Variants in SDF4 observed in about 807,000 individuals in gnomAD.
The protein encoded by SDF4 is stromal cell derived factor 4, also known as 45 kDa calcium-binding protein.
Under a neutral mutation model 34.2 loss-of-function variants are expected in SDF4, and 22 were observed. The ratio of observed to expected loss-of-function variants is 0.64; its 90% CI spans 0.46 to 0.92. SDF4 has a LOEUF of 0.92. Ranked by LOEUF, SDF4 falls within the 40% of genes least tolerant of loss-of-function variation. SDF4 has a pLI of 0.00. For synonymous variants in SDF4, 236 were observed against 203.1 expected (o/e 1.16, Z -1.38); for missense variants, 447 against 499.9 (o/e 0.89, Z 1.01).
chr1:1,230,099 G>A (rs1313360272), intron 1 of SDF4, among the ~76,000 whole-genome samples: 5 of 152,284 alleles, frequency 3.3e-5, no homozygotes, highest in African/African-American at 1.2e-4. Context: ...TCTCACCCAC[G>A]AGCCTACTCC....
intron 2 of SDF4, chr1:1,227,418 C>A (rs566554561): frequency 2.8e-5 from 4 of 144,210 alleles, no homozygotes; most frequent in Admixed American, 2.0e-4. Context: ...GGCGGGAAGG[C>A]GAGCTCGTGG....
In SDF4 at chr1:1,223,958, T is replaced by C; in HGVS notation, c.316A>G (p.Asn106Asp). 6.2e-7 allele frequency: 1 copy of C among 1,610,886 alleles called. No individual in the cohort carries two copies. Among genetic ancestry groups the C allele is most frequent in the Non-Finnish European group, 8.5e-7 (1 of 1,179,868 alleles). Residue 106 changes from asparagine (N) to aspartate (D), a missense_variant, in exon 3 of 7, where the codon AAC becomes GAC. Transcript: ENST00000360001. ...LMVIFSKVDV[N>D]TDRKISAKEM... is the part of the protein sequence containing the mutation. The stretch of plus-strand genomic sequence containing the variant: ...TTGGCACTGATCTTCCGGTCAGTGT[T>C]CACATCCACCCTGCAAGACAGCAAA...
intron 2 of SDF4, 39 bp from the exon 3 acceptor site, chr1:1,224,007 G>T: frequency 6.2e-7 from 1 of 1,603,542 alleles, no homozygotes; most frequent in Non-Finnish European, 8.5e-7. Context: ...GTCAGACTGG[G>T]CCCCCAGGAC....
Position 1,217,728 on chromosome 1 carries a change from C to A in SDF4, c.892-40G>T, listed in dbSNP as rs774574788. The stretch of plus-strand genomic sequence containing the variant: ...GGCACAGGTCAGCGTCGCCTTTCCC[C>A]CTCCGAGCTCCGCGGCCAGCCGCAC... On this transcript the variant is annotated intron_variant, in intron 6 of 6. Coordinates refer to ENST00000360001, the MANE Select transcript of SDF4 (RefSeq NM_016176.6). This position sits in a 1 kb window ranked among gnomAD's most constrained non-coding sequence, Gnocchi z 8.5. 4 of 1,611,580 alleles carry A rather than the reference C, an allele frequency of 2.5e-6. No homozygotes were observed. In the South Asian group the frequency reaches 3.3e-5, roughly 13 times the overall value.
At chr1:1,224,396 C>A (rs912325613) in intron 2 of SDF4, among the ~76,000 whole-genome samples, 27 of 152,256 alleles carry the variant, frequency 1.8e-4, no homozygotes, top group African/African-American at 6.3e-4. Flanking sequence ...TCTACTGCCT[C>A]AGCCTCCCGA....
intron 2 of SDF4, among the ~76,000 whole-genome samples, chr1:1,227,978 G>A (rs1366789114): frequency 2.6e-5 from 4 of 152,190 alleles, no homozygotes; most frequent in African/African-American, 4.8e-5. Context: ...CGTGTGATAC[G>A]CGGCCCGTGT....
In SDF4 at chr1:1,217,827, C is replaced by T. The variant is rs200154904; in HGVS notation, c.892-139G>A. The T allele has an allele frequency of 6.3e-5, 97 of 1,543,890 alleles. No homozygotes were observed. The African/African-American group carries it at 9.5e-4, about 15-fold the overall frequency. ...GTTCTGGAAGGTTCCCGAAGGGAGG[C>T]GGCACAAATGAAAACACAGGGCAGG... On this transcript the variant is annotated intron_variant, in intron 6 of 6. Coordinates refer to ENST00000360001, the MANE Select transcript of SDF4 (RefSeq NM_016176.6). This position sits in a 1 kb window ranked among gnomAD's most constrained non-coding sequence, Gnocchi z 8.5.
intron 4 of SDF4, chr1:1,219,151 A>G: frequency 7.1e-7 from 1 of 1,412,474 alleles, no homozygotes; most frequent in South Asian, 1.3e-5. Flanking sequence ...CTGATCCCCA[A>G]AGGCATAGCT....
chr1:1,219,964 C>A, intron 4 of SDF4: 1 of 985,778 alleles, frequency 1.0e-6, no homozygotes, highest in Non-Finnish European at 1.2e-6. Context: ...TAAAGGAAGA[C>A]AGGAGTGACG....
rs1649960427 is a variant in SDF4 at position 1,221,525 on chromosome 1, T to G, written c.556+1719A>C. ...CCTGGCAGGAACGTATCTTACACCT[T>G]TATTTTTCTGTCCTCCAAGGAGGAT... On this transcript the variant is annotated intron_variant, in intron 4 of 6. Transcript: ENST00000360001. Among the ~76,000 whole-genome samples the G allele has an allele frequency of 2.0e-5, 3 of 152,080 alleles. No individual in the cohort carries two copies. The South Asian group carries it at 6.2e-4, about 31-fold the overall frequency.
At chr1:1,223,514 C>T (rs1650101772) in intron 3 of SDF4, among the ~76,000 whole-genome samples, 157 bp from the exon 4 acceptor site, 1 of 152,260 alleles carries the variant, frequency 6.6e-6, no homozygotes, top group African/African-American at 2.4e-5. Context: ...CCCGTTTCCT[C>T]ACCTGTGAGG....
At chr1:1,220,339 A>G (rs1649860372) in intron 4 of SDF4, 1 of 1,106,452 alleles carries the variant, frequency 9.0e-7, no homozygotes, top group Admixed American at 4.4e-5. Flanking sequence ...CCCGCCTGCC[A>G]CGCCTTCACC....
intron 1 of SDF4, 38 bp downstream of exon 1, chr1:1,231,854 C>T (rs1638512302): frequency 6.6e-6 from 1 of 152,144 alleles, no homozygotes; most frequent in African/African-American, 2.4e-5. Context: ...ACACTTGGCC[C>T]CGCGGCCTGC....
rs1326896573 is a variant in SDF4, at chr1:1,216,951, G to A, written c.*561C>T. 1 of 152,228 alleles carries A rather than the reference G, an allele frequency of 6.6e-6. No individual in the cohort carries two copies. Among genetic ancestry groups the A allele is most frequent in the Non-Finnish European group, 1.5e-5 (1 of 68,038 alleles). The allele number at this position is 152,228 out of a possible 1,614,324, so 9.4% of individuals were successfully genotyped here. ...GCAACTATATTTAAAGTAAATGTAT[G>A]TGATTCTTGTCACAACAAATATTTG... On this transcript the variant is annotated 3_prime_UTR_variant, in exon 7 of 7. Coordinates refer to ENST00000360001, the MANE Select transcript of SDF4 (RefSeq NM_016176.6).
chr1:1,223,397 G>A, intron 3 of SDF4, 40 bp from the exon 4 acceptor site: 1 of 1,370,566 alleles, frequency 7.3e-7, no homozygotes, highest in Non-Finnish European at 1.0e-6. Context: ...CTCTGATACT[G>A]AGCTGAACTT....
At chr1:1,220,432 G>C in intron 4 of SDF4, 1 of 1,181,790 alleles carries the variant, frequency 8.5e-7, no homozygotes, top group South Asian at 1.6e-5. Context: ...CATGCAGGGA[G>C]GGGTGGGAGG....
In SDF4 at chr1:1,218,575, G is replaced by A. The variant is rs773066042; in HGVS notation, c.774C>T (p.Thr258=). Residue 258 remains threonine (T), a synonymous_variant, in exon 6 of 7, where the codon ACC becomes ACT. Coordinates refer to ENST00000360001, the MANE Select transcript of SDF4 (RefSeq NM_016176.6). This position sits in a 1 kb window ranked among gnomAD's most constrained non-coding sequence, Gnocchi z 7.9. ...VPEFISLPVG[T]VENQQGQDID... ...TGTCCTGGCCCTGCTGGTTCTCCAC[G>A]GTGCCCACGGGCAGGGAGATGAACT... is the stretch of plus-strand genomic sequence containing the variant. The A allele has an allele frequency of 1.1e-5, 18 of 1,613,954 alleles. No individual in the cohort carries two copies. Among genetic ancestry groups the A allele is most frequent in the Middle Eastern group, 1.6e-4 (1 of 6,084 alleles).
At chr1:1,231,206 G>T (rs941422320) in intron 1 of SDF4, among the ~76,000 whole-genome samples, 6 of 152,194 alleles carry the variant, frequency 3.9e-5, no homozygotes, top group African/African-American at 1.4e-4. Flanking sequence ...TGCCAGGTTC[G>T]CAGCACAGCG....
At position 1,218,055 on chromosome 1, in the gene SDF4, G is replaced by A. The variant is rs1475316639; in HGVS notation, c.892-367C>T. On this transcript the variant is annotated intron_variant, in intron 6 of 6. Coordinates refer to ENST00000360001, the MANE Select transcript of SDF4 (RefSeq NM_016176.6). The surrounding 1 kb of genome is among the most constrained non-coding windows in gnomAD (Gnocchi z 7.9). ...AAAAACAAGCCTACACATGATACCA[G>A]TGAAAACGCTTCAGAGGAAGGTGGT... is the stretch of plus-strand genomic sequence containing the variant. Among the ~76,000 whole-genome samples, 1 of 152,240 alleles carries A rather than the reference G, an allele frequency of 6.6e-6. No homozygotes were observed. Among genetic ancestry groups the A allele is most frequent in the Non-Finnish European group, 1.5e-5 (1 of 68,040 alleles).
Sources: gnomAD v4.1 joint callset for allele counts (sites outside exome capture counted in the v4.1 genomes callset) on GRCh38, gnomAD v4.1.1 for gene constraint, Gnocchi (gnomAD v3.1) non-coding constraint, MANE v1.5 for transcripts, NCBI Gene and HGNC (gene_info 2026-07-23, HGNC 2026-07-21) for gene names.